TXLNB: variants seen among roughly 807,000 people sequenced by gnomAD.
The protein encoded by TXLNB is taxilin beta, also known as beta-taxilin.
In TXLNB, 37 loss-of-function variants were observed where a neutral mutation model predicts 57.4. That is an observed-to-expected ratio of 0.64 (90% CI 0.50 to 0.85). The LOEUF is 0.85. TXLNB is among the 40% of genes least tolerant of loss of function. The probability of loss-of-function intolerance (pLI) is 0.00; values close to 1 mark genes in which losing one functional copy is unlikely to be tolerated. For synonymous variants in TXLNB, 302 were observed against 309.6 expected, an observed-to-expected ratio of 0.98 and a Z score of 0.26; for missense variants, 848 against 825.6, an observed-to-expected ratio of 1.03 and a Z score of -0.33.
chr6:139,308,753 G>T, the TXLNB span, among the ~76,000 whole-genome samples: 2 of 152,208 alleles, frequency 1.3e-5, no homozygotes, highest in Non-Finnish European at 2.9e-5. Flanking sequence ...CTTTGAGGGG[G>T]TGGGTAAATT....
chr6:139,286,861 A>G (rs4530878), intron 2 of TXLNB: 61,531 of 176,454 alleles, frequency 0.35, 12,053 homozygotes, highest in African/African-American at 0.55. Context: ...CCGTCTAGTT[A>G]CAGGAAAACA....
chr6:139,260,471 T>C, intron 5 of TXLNB, 34 bp from the exon 6 acceptor site: 1 of 1,603,672 alleles, frequency 6.2e-7, no homozygotes, highest in Non-Finnish European at 8.5e-7. Context: ...GAAAGCTTGG[T>C]TTATTATTGG....
chr6:139,205,107 A>C, the TXLNB span, among the ~76,000 whole-genome samples: 7 of 152,212 alleles, frequency 4.6e-5, no homozygotes. Flanking sequence ...TGGCCAACTT[A>C]GGGCAAGCTC....
chr6:139,251,571 G>T (rs1330000401), intron 7 of TXLNB: 2 of 152,192 alleles, frequency 1.3e-5, no homozygotes, highest in Non-Finnish European at 2.9e-5. Context: ...TCTCACTTTG[G>T]TATTTCACAG....
At chr6:139,176,926 G>A in the TXLNB span, 2 of 862,872 alleles carry the variant, frequency 2.3e-6, no homozygotes, top group Non-Finnish European at 2.0e-6. The surrounding 1 kb of genome is among the most constrained non-coding windows in gnomAD (Gnocchi z 4.5). Context: ...GGCTGATGGT[G>A]TCTGTTTCCC....
chr6:139,161,674 A>G, the TXLNB span, among the ~76,000 whole-genome samples: 1 of 152,248 alleles, frequency 6.6e-6, no homozygotes, highest in Admixed American at 6.5e-5. Context: ...AGAAATATCA[A>G]GTCAGTCTCA....
chr6:139,277,421 CCT>C (rs1583021873), intron 2 of TXLNB, among the ~76,000 whole-genome samples: 1 of 152,136 alleles, frequency 6.6e-6, no homozygotes, highest in Admixed American at 6.5e-5. Context: ...CGTTTTTTCC[CCT>C]GTGTTTTTTG....
chr6:139,167,321 C>G, the TXLNB span: 7 of 1,584,006 alleles, frequency 4.4e-6, no homozygotes, highest in African/African-American at 9.4e-5. Context: ...TTGTCACCTT[C>G]AAGGTATAGG....
the TXLNB span, among the ~76,000 whole-genome samples, chr6:139,308,794 G>A: frequency 3.3e-4 from 50 of 152,300 alleles, no homozygotes; most frequent in Non-Finnish European, 6.3e-4. Context: ...TGTTAAACAG[G>A]AATATTTATT....
At chr6:139,267,911 G>C (rs1038107389) in intron 4 of TXLNB, among the ~76,000 whole-genome samples, 2 of 152,114 alleles carry the variant, frequency 1.3e-5, no homozygotes, top group Non-Finnish European at 2.9e-5. Context: ...CCAACACTTT[G>C]GGAGGCCGAG....
At chr6:139,213,831 C>G in the TXLNB span, among the ~76,000 whole-genome samples, 1 of 152,192 alleles carries the variant, frequency 6.6e-6, no homozygotes, top group Admixed American at 6.5e-5. Context: ...AAACTACCAT[C>G]AGAGAATACT....
chr6:139,242,458 T>C lies in TXLNB; in HGVS notation c.*68A>G, dbSNP rs192065133. 2.2e-4 allele frequency: 306 copies of C among 1,368,728 alleles called. No homozygotes were observed. The highest frequency in any genetic ancestry group is 1.9e-3 in the African/African-American group (125 of 67,298). 84.8% of individuals were successfully genotyped at this position (1,368,728 alleles called of 1,614,324 possible). ...ACATCTCTAGCCCTTAATGCCTTTTTCGGAAGACAAGCTGTTATGCTGAAT... is the reference window on the plus strand; with the variant it reads ...ACATCTCTAGCCCTTAATGCCTTTTCCGGAAGACAAGCTGTTATGCTGAAT... On this transcript the variant is annotated 3_prime_UTR_variant, in exon 10 of 10. Coordinates refer to ENST00000358430, the MANE Select transcript of TXLNB (RefSeq NM_153235.4).
chr6:139,277,068 A>G (rs1235095110), intron 2 of TXLNB, 147 bp from the exon 3 acceptor site: 10 of 595,846 alleles, frequency 1.7e-5, no homozygotes, highest in Non-Finnish European at 2.6e-5. Context: ...TCCTATAGAA[A>G]TGATGACACC....
chr6:139,172,505 A>C, the TXLNB span, among the ~76,000 whole-genome samples: 1 of 152,224 alleles, frequency 6.6e-6, no homozygotes, highest in Non-Finnish European at 1.5e-5. Flanking sequence ...TTAATTTATT[A>C]AGATTGATCT....
chr6:139,271,337 T>C (rs1776758348), intron 3 of TXLNB: 1 of 152,218 alleles, frequency 6.6e-6, no homozygotes, highest in African/African-American at 2.4e-5. Flanking sequence ...AAATAAATCA[T>C]TCTGCTGGTT....
chr6:139,273,804 T>C (rs1007547410), intron 3 of TXLNB, among the ~76,000 whole-genome samples: 1 of 152,226 alleles, frequency 6.6e-6, no homozygotes, highest in African/African-American at 2.4e-5. Context: ...GAACTTTCCT[T>C]TATATTTAAA....
intron 7 of TXLNB, among the ~76,000 whole-genome samples, chr6:139,253,685 A>G (rs552261293): frequency 1.3e-3 from 195 of 152,248 alleles, no homozygotes; most frequent in Middle Eastern, 6.8e-3. Context: ...GGGAAATTAG[A>G]TCAAAACTTT....
chr6:139,318,192 C>T, the TXLNB span, among the ~76,000 whole-genome samples: 10 of 148,432 alleles, frequency 6.7e-5, no homozygotes, highest in African/African-American at 2.5e-4. Flanking sequence ...ATGGCGTGAA[C>T]CTGGGAGGCA....
At chr6:139,224,308 AG>A in the TXLNB span, among the ~76,000 whole-genome samples, 11 of 61,864 alleles carry the variant, frequency 1.8e-4, no homozygotes, top group East Asian at 1.5e-3. Flanking sequence ...GGGTGGGGGG[AG>A]GGGGGGAGGG....
Sources: gnomAD v4.1 joint callset for allele counts (sites outside exome capture counted in the v4.1 genomes callset) on GRCh38, gnomAD v4.1.1 for gene constraint, Gnocchi (gnomAD v3.1) non-coding constraint, MANE v1.5 for transcripts, NCBI Gene and HGNC (gene_info 2026-07-23, HGNC 2026-07-21) for gene names.